TENM3: variants seen among roughly 807,000 people sequenced by gnomAD.
The protein encoded by TENM3 is teneurin-3.
In TENM3, 63 loss-of-function variants were observed where a neutral mutation model predicts 255.1. That is an observed-to-expected ratio of 0.25 (90% CI 0.20 to 0.30). The LOEUF (loss-of-function observed/expected upper bound fraction) is 0.30. Ranked by LOEUF, TENM3 falls within the 10% of genes least tolerant of loss-of-function variation. The pLI is 1.00. For synonymous variants in TENM3, 1,306 were observed against 1,322.3 expected (o/e 0.99, Z 0.27); for missense variants, 2,929 against 3,461.1 (o/e 0.85, Z 3.86).
intron 3 of TENM3, among the ~76,000 whole-genome samples, chr4:182,440,118 T>A (rs923654643): frequency 6.7e-6 from 1 of 149,398 alleles, no homozygotes; most frequent in African/African-American, 2.5e-5. Flanking sequence ...GGGCACCTTT[T>A]TTTTTTTTTT....
upstream of TENM3, among the ~76,000 whole-genome samples, chr4:182,140,100 G>T (rs1015400361): frequency 7.2e-5 from 11 of 152,044 alleles, no homozygotes; most frequent in Admixed American, 6.6e-4. Flanking sequence ...TTTTGCCAGT[G>T]GGGGGAAAAC....
intron 16 of TENM3, among the ~76,000 whole-genome samples, chr4:182,732,157 T>C (rs926506818): frequency 6.9e-6 from 1 of 144,744 alleles, no homozygotes; most frequent in African/African-American, 2.6e-5. Context: ...TTATTAATAA[T>C]AGTCAAATGA....
chr4:181,827,393 G>T, the TENM3 span, among the ~76,000 whole-genome samples: 1 of 152,206 alleles, frequency 6.6e-6, no homozygotes, highest in Admixed American at 6.5e-5. Flanking sequence ...TCTGCAAACA[G>T]TCGTGAGCAG....
At chr4:182,698,596 T>G (rs528546838) in intron 12 of TENM3, among the ~76,000 whole-genome samples, 27 of 152,336 alleles carry the variant, frequency 1.8e-4, no homozygotes, top group African/African-American at 5.8e-4. Flanking sequence ...ATGTTGGTGA[T>G]TTATTTTCCA....
intron 1 of TENM3, among the ~76,000 whole-genome samples, chr4:182,248,871 A>G (rs1757818264): frequency 6.6e-6 from 1 of 152,234 alleles, no homozygotes; most frequent in Non-Finnish European, 1.5e-5. Context: ...AGAGCACTTT[A>G]TAGTTTACAG....
At chr4:181,702,457 G>A in the TENM3 span, among the ~76,000 whole-genome samples, 3 of 152,182 alleles carry the variant, frequency 2.0e-5, no homozygotes, top group African/African-American at 7.2e-5. Context: ...TGGATAATAT[G>A]CTTGTCAAAC....
intron 1 of TENM3, among the ~76,000 whole-genome samples, chr4:182,222,058 C>T (rs141797955): frequency 1.3e-5 from 2 of 152,170 alleles, no homozygotes; most frequent in Non-Finnish European, 2.9e-5. Flanking sequence ...CTTCCATCAA[C>T]CTCCATCAGC....
At chr4:182,625,571 G>C (rs1045683216) in intron 4 of TENM3, among the ~76,000 whole-genome samples, 1 of 152,144 alleles carries the variant, frequency 6.6e-6, no homozygotes, top group Non-Finnish European at 1.5e-5. Flanking sequence ...CTGCAGTAAA[G>C]TAAGCGAATT....
chr4:182,385,276 T>TC, intron 3 of TENM3, among the ~76,000 whole-genome samples: 1 of 148,110 alleles, frequency 6.8e-6, no homozygotes, highest in Non-Finnish European at 1.5e-5. Flanking sequence ...TTTTTTTTTT[T>TC]TTTTTTGAGA....
In TENM3 at chr4:182,217,702, G is replaced by A. The variant is rs1054502694; in HGVS notation, c.-76+72948G>A. Among the ~76,000 whole-genome samples, 8 of 152,142 alleles carry A rather than the reference G, an allele frequency of 5.3e-5. No homozygotes were observed. In the South Asian group the frequency reaches 6.2e-4, roughly 12 times the overall value. On this transcript the variant is annotated intron_variant, in intron 1 of 2. Transcript: ENST00000512480. ...CCAACATGTGGTAGAACTGAGACTC[G>A]AATCTAGGCAGTTTGTTCCAATTTT...
At chr4:181,674,599 A>G in the TENM3 span, among the ~76,000 whole-genome samples, 17 of 152,142 alleles carry the variant, frequency 1.1e-4, no homozygotes, top group African/African-American at 3.9e-4. Flanking sequence ...CTTTTTTCCC[A>G]CAGACCTTCT....
chr4:181,643,504 C>G, the TENM3 span, among the ~76,000 whole-genome samples: 2 of 152,136 alleles, frequency 1.3e-5, no homozygotes, highest in African/African-American at 4.8e-5. Flanking sequence ...CCTGATTGCC[C>G]TGGCCAGAGT....
chr4:181,822,278 T>C, the TENM3 span, among the ~76,000 whole-genome samples: 4 of 152,206 alleles, frequency 2.6e-5, no homozygotes, highest in Non-Finnish European at 4.4e-5. Context: ...CCAAGCTAAA[T>C]GCTTTAATAG....
chr4:182,109,144 T>G, the TENM3 span, among the ~76,000 whole-genome samples: 1 of 149,282 alleles, frequency 6.7e-6, no homozygotes, highest in African/African-American at 2.4e-5. Context: ...ATGTTGTGAT[T>G]ATACTATAAT....
the TENM3 span, among the ~76,000 whole-genome samples, chr4:181,664,479 A>AAT: frequency 9.8e-6 from 1 of 101,720 alleles, no homozygotes; most frequent in Non-Finnish European, 2.1e-5. Flanking sequence ...TAAAAAATAA[A>AAT]AAAAAACAAA....
intron 2 of TENM3, among the ~76,000 whole-genome samples, chr4:182,330,663 T>C (rs192169405): frequency 2.6e-5 from 4 of 152,316 alleles, no homozygotes; most frequent in Non-Finnish European, 4.4e-5. Context: ...ACGTCAACAG[T>C]GTACACACAC....
the TENM3 span, among the ~76,000 whole-genome samples, chr4:181,817,025 G>C: frequency 6.6e-6 from 1 of 152,304 alleles, no homozygotes; most frequent in East Asian, 1.9e-4. Context: ...CGTGCAAAGT[G>C]TATGTCACAG....
intron 1 of TENM3, among the ~76,000 whole-genome samples, chr4:182,306,975 T>C (rs538292616): frequency 3.3e-5 from 5 of 152,308 alleles, no homozygotes; most frequent in African/African-American, 1.2e-4. Context: ...CAAAGTCTCA[T>C]TTACATCACA....
chr4:181,807,070 C>G, the TENM3 span, among the ~76,000 whole-genome samples: 2 of 152,152 alleles, frequency 1.3e-5, no homozygotes, highest in African/African-American at 4.8e-5. Flanking sequence ...TAGGAAGTTT[C>G]CCGTCTCAGA....
Sources: gnomAD v4.1 joint callset for allele counts (sites outside exome capture counted in the v4.1 genomes callset) on GRCh38, gnomAD v4.1.1 for gene constraint, MANE v1.5 for transcripts, NCBI Gene and HGNC (gene_info 2026-07-23, HGNC 2026-07-21) for gene names.